The following GPATCH2 variants were observed in gnomAD, a reference collection of about 807,000 sequenced individuals.
GPATCH2 encodes G patch domain-containing protein 2.
In GPATCH2, 51 loss-of-function variants were observed where a neutral mutation model predicts 58.0. The observed-to-expected ratio is 0.88, with a 90% confidence interval of 0.70 to 1.11. The LOEUF (loss-of-function observed/expected upper bound fraction) is 1.11. GPATCH2 is among the 50% of genes most tolerant of loss of function. The pLI, the probability that GPATCH2 is intolerant of heterozygous loss-of-function variation, is 0.00. For missense variants in GPATCH2, 625 were observed against 652.2 expected (o/e 0.96, Z 0.45); for synonymous variants, 222 against 218.5 (o/e 1.02, Z -0.14).
At chr1:217,464,651 G>A (rs2102492744) in intron 8 of GPATCH2, among the ~76,000 whole-genome samples, 1 of 152,232 alleles carries the variant, frequency 6.6e-6, no homozygotes, top group South Asian at 2.1e-4. Context: ...CAGAGGCCAA[G>A]GGGAAAAGGA....
intron 8 of GPATCH2, among the ~76,000 whole-genome samples, chr1:217,489,892 C>T (rs1304270669): frequency 1.3e-5 from 2 of 152,064 alleles, no homozygotes; most frequent in African/African-American, 4.8e-5. Flanking sequence ...AACTCCGTCT[C>T]AAATTAAAGA....
intron 5 of GPATCH2, among the ~76,000 whole-genome samples, chr1:217,530,717 T>C (rs1197086144): frequency 6.6e-6 from 1 of 152,200 alleles, no homozygotes; most frequent in African/African-American, 2.4e-5. Flanking sequence ...AAACACTCAA[T>C]GTTTAAAAAT....
chr1:217,489,114 T>C (rs1319257343), intron 8 of GPATCH2, among the ~76,000 whole-genome samples: 1 of 151,590 alleles, frequency 6.6e-6, no homozygotes, highest in Non-Finnish European at 1.5e-5. Context: ...TTTTTTTTTT[T>C]GGTAGAGATG....
At chr1:217,563,442 T>C (rs544281627) in intron 5 of GPATCH2, among the ~76,000 whole-genome samples, 1 of 152,298 alleles carries the variant, frequency 6.6e-6, no homozygotes, top group African/African-American at 2.4e-5. Context: ...TACTGAGACC[T>C]ACCATGATAG....
chr1:217,563,385 C>G (rs1666024924), intron 5 of GPATCH2, among the ~76,000 whole-genome samples: 1 of 152,114 alleles, frequency 6.6e-6, no homozygotes, highest in South Asian at 2.1e-4. Context: ...ATGGACTGAG[C>G]CAAAATTAAT....
At chr1:217,492,748 G>T (rs1420710129) in intron 7 of GPATCH2, 1 of 152,134 alleles carries the variant, frequency 6.6e-6, no homozygotes, top group Non-Finnish European at 1.5e-5. Context: ...TGAGTATTAA[G>T]TAATATAAAC....
intron 8 of GPATCH2, among the ~76,000 whole-genome samples, chr1:217,477,474 G>T (rs1661018205): frequency 6.6e-6 from 1 of 152,122 alleles, no homozygotes; most frequent in South Asian, 2.1e-4. Context: ...GACCTGTCCT[G>T]GGCCAGAGGG....
Position 217,625,486 on chromosome 1 carries a change from C to T in GPATCH2, c.57-4987G>A, listed in dbSNP as rs113880604. Among the ~76,000 whole-genome samples, 1,101 of 152,014 alleles carry T rather than the reference C, an allele frequency of 7.2e-3. 15 individuals carry two copies. Among genetic ancestry groups the T allele is most frequent in the African/African-American group, 0.025 (1,044 of 41,474 alleles). On this transcript the variant is annotated intron_variant, in intron 1 of 9. Coordinates refer to ENST00000366935, the MANE Select transcript of GPATCH2 (RefSeq NM_018040.5). ...AAGAAAGCCCCAAAAACAGATTCCC[C>T]GAGAAATAAACAGTCAACTATTTTT...
chr1:217,596,418 C>A (rs1667830519), intron 5 of GPATCH2, among the ~76,000 whole-genome samples: 1 of 152,140 alleles, frequency 6.6e-6, no homozygotes, highest in Non-Finnish European at 1.5e-5. Context: ...TTGAACAAGT[C>A]ATTTAAGGCA....
At chr1:217,546,194 T>C (rs1435820781) in intron 5 of GPATCH2, among the ~76,000 whole-genome samples, 2 of 152,114 alleles carry the variant, frequency 1.3e-5, no homozygotes, top group African/African-American at 4.8e-5. Flanking sequence ...GTAGGAAGAA[T>C]CAATATCATT....
chr1:217,615,165 T>C (rs1668824351), intron 2 of GPATCH2, among the ~76,000 whole-genome samples: 1 of 152,122 alleles, frequency 6.6e-6, no homozygotes, highest in Non-Finnish European at 1.5e-5. Flanking sequence ...TCCTAACTTG[T>C]TTTAAAATAT....
intron 6 of GPATCH2, among the ~76,000 whole-genome samples, chr1:217,504,712 C>A (rs908471403): frequency 1.3e-5 from 2 of 152,190 alleles, no homozygotes; most frequent in African/African-American, 4.8e-5. Flanking sequence ...GATTCCATAT[C>A]TTGTATTTTT....
chr1:217,534,897 G>A (rs922609733), intron 5 of GPATCH2, among the ~76,000 whole-genome samples: 1 of 152,212 alleles, frequency 6.6e-6, no homozygotes, highest in East Asian at 1.9e-4. Flanking sequence ...AAGTCATACT[G>A]TCTTGTTCAA....
At chr1:217,439,628 G>A (rs923630000) in intron 9 of GPATCH2, among the ~76,000 whole-genome samples, 1 of 152,038 alleles carries the variant, frequency 6.6e-6, no homozygotes, top group Non-Finnish European at 1.5e-5. Context: ...TCAGACTAAT[G>A]AAGAAGAAAA....
chr1:217,523,217 C>A (rs1216546722), intron 5 of GPATCH2, among the ~76,000 whole-genome samples: 3 of 150,844 alleles, frequency 2.0e-5, no homozygotes, highest in Non-Finnish European at 2.9e-5. Flanking sequence ...GGTGTTTCTC[C>A]CAGAGGGGGA....
intron 5 of GPATCH2, among the ~76,000 whole-genome samples, chr1:217,571,242 A>G (rs1666522857): frequency 6.6e-6 from 1 of 151,998 alleles, no homozygotes; most frequent in Non-Finnish European, 1.5e-5. Flanking sequence ...ACATACACAC[A>G]CTCTCTCTTT....
chr1:217,439,152 G>A (rs754372177), intron 9 of GPATCH2, among the ~76,000 whole-genome samples: 4 of 152,046 alleles, frequency 2.6e-5, no homozygotes, highest in South Asian at 2.1e-4. Context: ...GCAAAAGAAC[G>A]GAAATCATAA....
rs115946196 is a variant in GPATCH2, at chr1:217,519,835, A to G, written c.1099-4946T>C. Among the ~76,000 whole-genome samples the G allele has an allele frequency of 6.8e-3, 1,036 of 152,304 alleles. 9 individuals are homozygous for G. The highest frequency in any genetic ancestry group is 0.023 in the African/African-American group (971 of 41,550). On this transcript the variant is annotated intron_variant, in intron 5 of 9. Transcript: ENST00000366935. ...AGTAACCTAATGTACATATAAAATT[A>G]TGCTTAACCTTATTATATAATAAGT...
chr1:217,495,785 A>C (rs1661975047), intron 7 of GPATCH2, among the ~76,000 whole-genome samples: 1 of 152,230 alleles, frequency 6.6e-6, no homozygotes, highest in African/African-American at 2.4e-5. Context: ...CTTTTAATAA[A>C]AATAGAGAGT....
Sources: gnomAD v4.1 joint callset for allele counts (sites outside exome capture counted in the v4.1 genomes callset) on GRCh38, gnomAD v4.1.1 for gene constraint, MANE v1.5 for transcripts, NCBI Gene and HGNC (gene_info 2026-07-23, HGNC 2026-07-21) for gene names.